The following ECPAS variants were observed in gnomAD, a reference collection of about 807,000 sequenced individuals.
ECPAS encodes Ecm29 proteasome adaptor and scaffold.
Under a neutral mutation model 255.1 loss-of-function variants are expected in ECPAS, and 70 were observed. The ratio of observed to expected loss-of-function variants is 0.27; its 90% CI spans 0.23 to 0.33. The LOEUF (loss-of-function observed/expected upper bound fraction) is 0.33. ECPAS is among the 10% of genes least tolerant of loss of function. The pLI is 1.00. For missense variants in ECPAS, 1,817 were observed against 2,206.4 expected, an observed-to-expected ratio of 0.82 and a Z score of 3.54; for synonymous variants, 784 against 775.0, an observed-to-expected ratio of 1.01 and a Z score of -0.19.
chr9:111,373,381 A>G lies in ECPAS; in HGVS notation c.4203T>C (p.Ser1401=). ...TCACACTGTTCCGATCTGTCAGGCCACTCAGCAAAGCACTCATAAGTTTAC... is the reference window on the plus strand; with the variant it reads ...TCACACTGTTCCGATCTGTCAGGCCGCTCAGCAAAGCACTCATAAGTTTAC... ...YSGKLMSALL[S]GLTDRNSVIQ... The change falls in exon 40 of 50, where the codon AGT becomes AGC. Residue 1401 remains serine, a synonymous_variant. Coordinates refer to ENST00000684092, the MANE Select transcript of ECPAS (RefSeq NM_001364929.1). 6.2e-7 allele frequency: 1 copy of G among 1,613,782 alleles called. No individual in the cohort carries two copies. The highest frequency in any genetic ancestry group is 2.2e-5 in the East Asian group (1 of 44,882).
chr9:111,465,150 A>G (rs2098277927), intron 2 of ECPAS, among the ~76,000 whole-genome samples: 1 of 152,162 alleles, frequency 6.6e-6, no homozygotes, highest in Non-Finnish European at 1.5e-5. Context: ...AAATAAATAA[A>G]TTAATTAATT....
intron 2 of ECPAS, among the ~76,000 whole-genome samples, chr9:111,464,573 T>A (rs1283411050): frequency 6.6e-6 from 1 of 152,086 alleles, no homozygotes; most frequent in Non-Finnish European, 1.5e-5. Flanking sequence ...GAATAAATTA[T>A]GCAGAGTCAC....
Position 111,484,174 on chromosome 9 carries a change from C to T in ECPAS, c.-141G>A. ...TGCGCTCGGCGCCGCGAGGTGAGGG[C>T]TGTAGAGCGAGGCGTTCGGCGGGCC... On this transcript the variant is annotated 5_prime_UTR_variant, in exon 1 of 50. Transcript: ENST00000684092. 1.3e-6 allele frequency: 2 copies of T among 1,484,348 alleles called. No homozygotes were observed. Among genetic ancestry groups the T allele is most frequent in the Non-Finnish European group, 8.9e-7 (1 of 1,120,352 alleles). The allele number at this position is 1,484,348 out of a possible 1,614,324, so 91.9% of individuals were successfully genotyped here.
intron 31 of ECPAS, among the ~76,000 whole-genome samples, chr9:111,388,781 T>G (rs2098154652): frequency 6.6e-6 from 1 of 151,976 alleles, no homozygotes; most frequent in South Asian, 2.1e-4. Context: ...TAGATTCAAT[T>G]GGGGGTGGTG....
At chr9:111,428,965 A>T (rs1217049551) in intron 9 of ECPAS, among the ~76,000 whole-genome samples, 1 of 152,178 alleles carries the variant, frequency 6.6e-6, no homozygotes, top group Admixed American at 6.5e-5. Context: ...GCCTGTGCTC[A>T]TATCACCTGT....
chr9:111,361,802 C>A lies in ECPAS; in HGVS notation c.*228G>T. On this transcript the variant is annotated 3_prime_UTR_variant, in exon 50 of 50. Transcript: ENST00000684092. ...CTGCCAGTTTCCTTTACAACCACCC[C>A]TCAAACATCCAAGGTTCCATTAAGC... 1 of 371,104 alleles carries A rather than the reference C, an allele frequency of 2.7e-6. No individual in the cohort carries two copies. Among genetic ancestry groups the A allele is most frequent in the Non-Finnish European group, 4.7e-6 (1 of 210,940 alleles). 23.0% of individuals were successfully genotyped at this position (371,104 alleles called of 1,614,324 possible).
intron 36 of ECPAS, among the ~76,000 whole-genome samples, chr9:111,377,756 G>A (rs186891663): frequency 4.2e-4 from 64 of 152,342 alleles, no homozygotes; most frequent in African/African-American, 1.1e-3. Flanking sequence ...CTCAGGGAAT[G>A]ATACTGTGGT....
At chr9:111,480,063 T>C (rs937295677) in intron 1 of ECPAS, among the ~76,000 whole-genome samples, 1 of 151,822 alleles carries the variant, frequency 6.6e-6, no homozygotes, top group Non-Finnish European at 1.5e-5. Context: ...ATAGTAAATA[T>C]GATAAAGTTA....
At chr9:111,422,233 A>G in intron 13 of ECPAS, 33 bp from the exon 14 acceptor site, 2 of 1,588,640 alleles carry the variant, frequency 1.3e-6, no homozygotes, top group South Asian at 2.2e-5. Context: ...TGTTACTATC[A>G]TAAATTTCCA....
At chr9:111,366,094 G>C in intron 48 of ECPAS, 145 bp downstream of exon 48, 1 of 549,306 alleles carries the variant, frequency 1.8e-6, no homozygotes, top group South Asian at 2.8e-5. Flanking sequence ...TCCAGTTAAG[G>C]GGTACACATG....
chr9:111,438,272 T>C (rs2098240901), intron 6 of ECPAS, among the ~76,000 whole-genome samples: 2 of 152,238 alleles, frequency 1.3e-5, no homozygotes, highest in Admixed American at 1.3e-4. Flanking sequence ...TTCTAAGTTA[T>C]AGCAAGACTG....
chr9:111,388,133 G>A (rs1404946030), intron 31 of ECPAS, among the ~76,000 whole-genome samples: 1 of 151,802 alleles, frequency 6.6e-6, no homozygotes, highest in Non-Finnish European at 1.5e-5. Flanking sequence ...TTCCACTTTT[G>A]TAGGTAGGAA....
At chr9:111,419,414 A>G (rs2131778763) in intron 16 of ECPAS, among the ~76,000 whole-genome samples, 1 of 152,292 alleles carries the variant, frequency 6.6e-6, no homozygotes, top group Admixed American at 6.5e-5. Context: ...CAGATTTGAA[A>G]AGAGTTGTTT....
chr9:111,379,887 G>A (rs1032220822), intron 35 of ECPAS, among the ~76,000 whole-genome samples: 1 of 152,116 alleles, frequency 6.6e-6, no homozygotes, highest in Non-Finnish European at 1.5e-5. Flanking sequence ...CCCCACTTAC[G>A]ATTTCCACCA....
intron 24 of ECPAS, among the ~76,000 whole-genome samples, chr9:111,405,194 T>C (rs1220891367): frequency 6.7e-6 from 1 of 149,632 alleles, no homozygotes; most frequent in Non-Finnish European, 1.5e-5. Flanking sequence ...CAAAACAGCA[T>C]GAAACTGGCA....
intron 2 of ECPAS, among the ~76,000 whole-genome samples, chr9:111,451,862 G>A (rs1368323568): frequency 2.0e-5 from 3 of 152,176 alleles, no homozygotes; most frequent in African/African-American, 7.2e-5. Context: ...GGCATCTTCT[G>A]GAACTAGTTA....
intron 2 of ECPAS, among the ~76,000 whole-genome samples, chr9:111,455,834 G>A (rs1351589516): frequency 6.6e-6 from 1 of 152,164 alleles, no homozygotes; most frequent in Non-Finnish European, 1.5e-5. Flanking sequence ...GAAGATTCTT[G>A]GAAGCTTGCA....
chr9:111,365,288 T>TATCATTATCATCATC (rs1554774959), intron 48 of ECPAS, among the ~76,000 whole-genome samples: 2 of 147,532 alleles, frequency 1.4e-5, no homozygotes, highest in African/African-American at 2.5e-5. Context: ...TAATAACCAT[T>TATCATTATCATCATC]ATCATCATCA....
intron 16 of ECPAS, among the ~76,000 whole-genome samples, 195 bp from the exon 17 acceptor site, chr9:111,418,201 CG>C (rs1405740708): frequency 6.6e-6 from 1 of 152,012 alleles, no homozygotes; most frequent in Non-Finnish European, 1.5e-5. Flanking sequence ...GCATGAGGTC[CG>C]GGGACTCATC....
Sources: allele counts gnomAD v4.1 joint callset (sites outside exome capture counted in the v4.1 genomes callset), GRCh38; gene constraint gnomAD v4.1.1; transcripts MANE v1.5; gene names NCBI Gene and HGNC (gene_info 2026-07-23, HGNC 2026-07-21).